PCCA: variants seen among roughly 807,000 people sequenced by gnomAD.
PCCA encodes the protein propionyl-CoA carboxylase subunit alpha.
PCCA carries 74 observed loss-of-function variants against 101.3 expected under a neutral mutation model. That is an observed-to-expected ratio of 0.73 (90% CI 0.61 to 0.89). The LOEUF (loss-of-function observed/expected upper bound fraction) is 0.89, where lower values mean the gene tolerates loss of function less well. Ranked by LOEUF, PCCA falls within the 40% of genes least tolerant of loss-of-function variation. The probability of loss-of-function intolerance (pLI) is 0.00; values close to 1 mark genes in which losing one functional copy is unlikely to be tolerated. For synonymous variants in PCCA, 294 were observed against 313.6 expected, an observed-to-expected ratio of 0.94 and a Z score of 0.66; for missense variants, 891 against 907.0, an observed-to-expected ratio of 0.98 and a Z score of 0.23.
At position 100,491,713 on chromosome 13, in the gene PCCA, T is replaced by TGGCTCA. The variant is rs1332631386; in HGVS notation, c.1900-23712_1900-23707dup. The TGGCTCA allele has an allele frequency of 4.6e-6, 6 of 1,302,052 alleles. No individual in the cohort carries two copies. The East Asian group carries it at 3.3e-4, about 73-fold the overall frequency. The allele number at this position is 1,302,052 out of a possible 1,614,324, so 80.7% of individuals were successfully genotyped here. On this transcript the variant is annotated intron_variant, in intron 21 of 23. Coordinates refer to ENST00000376285, the MANE Select transcript of PCCA (RefSeq NM_000282.4). Reference sequence around the variant, plus strand: ...GCAGAAGGTGCTGCGGCCTGGTGGCTGGCTCAGCAGGAGGCCTGGGATTGA... The same window carrying TGGCTCA: ...GCAGAAGGTGCTGCGGCCTGGTGGCTGGCTCAGGCTCAGCAGGAGGCCTGGGATTGA...
At chr13:100,182,121 G>C (rs1292912784) in intron 6 of PCCA, among the ~76,000 whole-genome samples, 1 of 123,374 alleles carries the variant, frequency 8.1e-6, no homozygotes, top group Non-Finnish European at 1.7e-5. Flanking sequence ...TTTTTGAGAT[G>C]GAGTCTTGCT....
At chr13:100,300,975 A>T (rs2066016262) in intron 12 of PCCA, among the ~76,000 whole-genome samples, 1 of 152,230 alleles carries the variant, frequency 6.6e-6, no homozygotes, top group Non-Finnish European at 1.5e-5. Context: ...TCGATGCAAG[A>T]TTACACTAAT....
intron 19 of PCCA, among the ~76,000 whole-genome samples, chr13:100,386,203 C>G (rs1045180754): frequency 2.0e-5 from 3 of 152,130 alleles, no homozygotes; most frequent in Non-Finnish European, 2.9e-5. Context: ...TTAAAGAATA[C>G]TATGTTTCTC....
rs761046263 is a variant in PCCA, at chr13:100,330,678, A to G, written c.1540+7A>G. The G allele has an allele frequency of 3.5e-6, 5 of 1,430,378 alleles. No homozygotes were observed. The highest frequency in any genetic ancestry group is 4.9e-6 in the Non-Finnish European group (5 of 1,012,470). 88.6% of individuals were successfully genotyped at this position (1,430,378 alleles called of 1,614,324 possible). A position where few individuals can be genotyped will look rare whatever the true frequency, so the allele number is the denominator to read the frequency against. On this transcript the variant is annotated splice_region_variant and intron_variant, in intron 17 of 23. Transcript: ENST00000376285. ...TATCCTGATGGCTTCAAAGGTTTGT[A>G]TGCATTAAAATATTTTAGTGTTTTA...
chr13:100,331,388 A>G (rs2069545861), intron 17 of PCCA, among the ~76,000 whole-genome samples: 1 of 152,240 alleles, frequency 6.6e-6, no homozygotes, highest in African/African-American at 2.4e-5. Flanking sequence ...AAGGTTAGAT[A>G]GTCTGTCCCA....
intron 18 of PCCA, among the ~76,000 whole-genome samples, chr13:100,347,269 T>C (rs1321377282): frequency 1.3e-5 from 2 of 152,192 alleles, no homozygotes; most frequent in Admixed American, 6.5e-5. Context: ...TTTATACACA[T>C]TGGAAAAGTA....
At position 100,188,294 on chromosome 13, in the gene PCCA, A is replaced by AAAAACAAAACAAAACAAAACAAAAC. The variant is rs60307671; in HGVS notation, c.469-21028_469-21004dup. Among the ~76,000 whole-genome samples, 1,291 of 147,002 alleles carry AAAAACAAAACAAAACAAAACAAAAC rather than the reference A, an allele frequency of 8.8e-3. 19 individuals carry two copies. Among genetic ancestry groups the AAAAACAAAACAAAACAAAACAAAAC allele is most frequent in the African/African-American group, 0.016 (633 of 39,450 alleles). ...GCGACAGAGCAAGACTCTGTCTCAA[A>AAAAACAAAACAAAACAAAACAAAAC]AAAACAAAACAAAACAAAACAAAAC... On this transcript the variant is annotated intron_variant, in intron 6 of 23. Coordinates refer to ENST00000376285, the MANE Select transcript of PCCA (RefSeq NM_000282.4).
At chr13:100,497,519 G>A (rs1243839715) in intron 21 of PCCA, among the ~76,000 whole-genome samples, 2 of 151,306 alleles carry the variant, frequency 1.3e-5, no homozygotes, top group Admixed American at 6.6e-5. Flanking sequence ...AAGGCTTGGG[G>A]TAGCAGATAC....
At chr13:100,358,024 G>T (rs188362136) in intron 18 of PCCA, among the ~76,000 whole-genome samples, 1 of 152,316 alleles carries the variant, frequency 6.6e-6, no homozygotes, top group Admixed American at 6.5e-5. Context: ...CCATGGTTAT[G>T]ATAATGTTGG....
intron 19 of PCCA, among the ~76,000 whole-genome samples, chr13:100,392,782 G>A (rs533135615): frequency 7.2e-5 from 11 of 152,284 alleles, no homozygotes; most frequent in South Asian, 2.1e-4. Context: ...TCCATGTAGC[G>A]TTTTAATGAA....
Position 100,406,542 on chromosome 13 carries a change from T to C in PCCA, c.1747-19091T>C, listed in dbSNP as rs180807091. ...CAACACGGAGAAACCCCATCTCTAC[T>C]AAAAATACAAAATTAGCTGGGTGTG... On this transcript the variant is annotated intron_variant, in intron 19 of 23. Transcript: ENST00000376285. 4.4e-3 allele frequency among the ~76,000 whole-genome samples: 675 copies of C among 152,216 alleles called. 4 individuals carry two copies. Among genetic ancestry groups the C allele is most frequent in the African/African-American group, 0.015 (631 of 41,542 alleles).
At chr13:100,155,722 G>A (rs1425960300) in intron 5 of PCCA, among the ~76,000 whole-genome samples, 1 of 151,962 alleles carries the variant, frequency 6.6e-6, no homozygotes, top group Admixed American at 6.5e-5. Flanking sequence ...TATATATAGT[G>A]TTAAAAACTA....
intron 4 of PCCA, among the ~76,000 whole-genome samples, chr13:100,119,574 T>G (rs1013256832): frequency 1.3e-5 from 2 of 152,202 alleles, no homozygotes; most frequent in Non-Finnish European, 2.9e-5. Flanking sequence ...TTGAATAGGC[T>G]CATGGTTTCT....
chr13:100,459,703 C>T (rs1354951700), intron 21 of PCCA, among the ~76,000 whole-genome samples: 1 of 152,206 alleles, frequency 6.6e-6, no homozygotes, highest in Non-Finnish European at 1.5e-5. Flanking sequence ...AGGGAGCTCT[C>T]TGCAGTAACT....
chr13:100,159,870 T>C (rs1232350264), intron 6 of PCCA, among the ~76,000 whole-genome samples: 1 of 152,130 alleles, frequency 6.6e-6, no homozygotes, highest in East Asian at 1.9e-4. Context: ...GAAGGCACAG[T>C]TCATATGCAG....
At chr13:100,522,278 C>T (rs1594130639) in intron 22 of PCCA, among the ~76,000 whole-genome samples, 1 of 152,134 alleles carries the variant, frequency 6.6e-6, no homozygotes, top group Non-Finnish European at 1.5e-5. Context: ...CTGCACGTGT[C>T]GTATTTCATG....
At chr13:100,156,389 G>A (rs990761323) in intron 5 of PCCA, among the ~76,000 whole-genome samples, 5 of 152,270 alleles carry the variant, frequency 3.3e-5, no homozygotes, top group South Asian at 2.1e-4. Flanking sequence ...TTTAAAAGTC[G>A]CTGATACGTA....
chr13:100,305,594 C>T (rs952391088), intron 14 of PCCA, among the ~76,000 whole-genome samples: 6 of 152,164 alleles, frequency 3.9e-5, no homozygotes, highest in African/African-American at 1.4e-4. Context: ...TTAGCTCTTT[C>T]ACTTTTTAGT....
At chr13:100,423,084 C>T (rs1475086049) in intron 19 of PCCA, among the ~76,000 whole-genome samples, 2 of 151,366 alleles carry the variant, frequency 1.3e-5, no homozygotes, top group African/African-American at 2.4e-5. Context: ...TGAAATAGGC[C>T]GGGAGGGTAG....
Sources: allele counts gnomAD v4.1 joint callset (sites outside exome capture counted in the v4.1 genomes callset), GRCh38; gene constraint gnomAD v4.1.1; transcripts MANE v1.5; gene names NCBI Gene and HGNC (gene_info 2026-07-23, HGNC 2026-07-21).